Variants in TAFA2 observed in about 807,000 individuals in gnomAD.
The protein encoded by TAFA2 is TAFA chemokine like family member 2.
TAFA2 carries 7 observed loss-of-function variants against 18.8 expected under a neutral mutation model. The observed-to-expected ratio is 0.37, with a 90% confidence interval of 0.21 to 0.70. TAFA2 has a LOEUF of 0.70. Among genes scored for constraint, TAFA2 ranks in the 30% least tolerant of loss-of-function variants. The pLI is 0.53. For missense variants in TAFA2, 122 were observed against 158.1 expected (o/e 0.77, Z 1.23); for synonymous variants, 60 against 54.2 (o/e 1.11, Z -0.47).
chr12:61,881,311 G>A lies in TAFA2; in HGVS notation c.-1-13885C>T, dbSNP rs189088292. 8.2e-4 allele frequency among the ~76,000 whole-genome samples: 125 copies of A among 152,240 alleles called. 1 individual carries two copies. Among genetic ancestry groups the A allele is most frequent in the Non-Finnish European group, 1.5e-3 (101 of 68,014 alleles). ...TTTTAATGTGTGAACCTCATAGAGT[G>A]TACTGACACAAACCCATATGGTACA... On this transcript the variant is annotated intron_variant, in intron 1 of 4. Transcript: ENST00000416284.
rs142698425 is a variant in TAFA2, at chr12:61,819,299, A to G, written c.106+48021T>C. On this transcript the variant is annotated intron_variant, in intron 2 of 4. Coordinates refer to ENST00000416284, the MANE Select transcript of TAFA2 (RefSeq NM_178539.5). ...ATAAAAATCGTGACTACCCAGAAACAGCATTACTTCAAAGAATGTATTTTT... is the reference window on the plus strand; with the variant it reads ...ATAAAAATCGTGACTACCCAGAAACGGCATTACTTCAAAGAATGTATTTTT... 6.6e-4 allele frequency among the ~76,000 whole-genome samples: 100 copies of G among 152,344 alleles called. 2 individuals are homozygous for G. The highest frequency in any genetic ancestry group is 2.3e-3 in the African/African-American group (95 of 41,584).
At chr12:61,889,134 T>C (rs1448350513) in intron 1 of TAFA2, among the ~76,000 whole-genome samples, 3 of 152,190 alleles carry the variant, frequency 2.0e-5, no homozygotes, top group Non-Finnish European at 2.9e-5. Context: ...GTAACATGAT[T>C]ATTGATTTAG....
intron 1 of TAFA2, among the ~76,000 whole-genome samples, chr12:61,998,627 C>T (rs920282271): frequency 6.6e-6 from 1 of 152,162 alleles, no homozygotes. Flanking sequence ...AATGTCTTGA[C>T]CAAGGTCTCA....
intron 2 of TAFA2, among the ~76,000 whole-genome samples, chr12:61,756,637 A>T (rs1342641999): frequency 6.6e-6 from 1 of 152,072 alleles, no homozygotes; most frequent in African/African-American, 2.4e-5. Flanking sequence ...AACAAATAAT[A>T]AGCACCCACG....
At chr12:61,914,751 C>G (rs1393923282) in intron 1 of TAFA2, among the ~76,000 whole-genome samples, 5 of 152,102 alleles carry the variant, frequency 3.3e-5, no homozygotes, top group Non-Finnish European at 5.9e-5. Flanking sequence ...GGCAAGACAT[C>G]TGGAGTTGAC....
At chr12:61,728,312 G>C (rs1278786843) in intron 4 of TAFA2, among the ~76,000 whole-genome samples, 1 of 152,012 alleles carries the variant, frequency 6.6e-6, no homozygotes, top group Non-Finnish European at 1.5e-5. Flanking sequence ...GTCTAGTGCT[G>C]TCAGTGGAGT....
intron 1 of TAFA2, among the ~76,000 whole-genome samples, chr12:62,074,399 T>G (rs948416674): frequency 7.2e-5 from 11 of 152,222 alleles, no homozygotes; most frequent in Non-Finnish European, 1.6e-4. Context: ...AATTCTAATC[T>G]CTACTGCAAT....
chr12:61,952,077 T>C (rs1421293998), intron 1 of TAFA2, among the ~76,000 whole-genome samples: 2 of 152,122 alleles, frequency 1.3e-5, no homozygotes, highest in Non-Finnish European at 2.9e-5. Context: ...TCTATACTGC[T>C]ACATTTCCCC....
At chr12:61,871,590 C>G (rs1471436808) in intron 1 of TAFA2, among the ~76,000 whole-genome samples, 1 of 152,158 alleles carries the variant, frequency 6.6e-6, no homozygotes, top group Non-Finnish European at 1.5e-5. Context: ...CAGCAGCTTG[C>G]AAGGAGCACA....
intron 1 of TAFA2, among the ~76,000 whole-genome samples, chr12:61,869,888 C>G (rs2121226651): frequency 6.6e-6 from 1 of 152,250 alleles, no homozygotes; most frequent in Admixed American, 6.5e-5. Context: ...TATCATATAA[C>G]AGAATGAACA....
chr12:62,233,548 C>T (rs182689339), intron 1 of TAFA2, among the ~76,000 whole-genome samples: 68 of 152,296 alleles, frequency 4.5e-4, no homozygotes, highest in Middle Eastern at 3.4e-3. Context: ...CCAGACCTCT[C>T]GTCTTACATA....
chr12:61,879,507 C>A (rs1392708561), intron 1 of TAFA2: 2 of 700,832 alleles, frequency 2.9e-6, no homozygotes, highest in Non-Finnish European at 5.2e-6. Flanking sequence ...TTGGAGGGAT[C>A]ACTGCTGTCA....
At chr12:61,893,928 T>C (rs1447325684) in intron 1 of TAFA2, among the ~76,000 whole-genome samples, 1 of 152,210 alleles carries the variant, frequency 6.6e-6, no homozygotes, top group African/African-American at 2.4e-5. Flanking sequence ...TTATGAATAG[T>C]ATTTATCTTA....
chr12:62,246,099 G>A (rs932707640), intron 1 of TAFA2, among the ~76,000 whole-genome samples: 1 of 150,774 alleles, frequency 6.6e-6, no homozygotes, highest in African/African-American at 2.4e-5. Context: ...CCATTCTCCC[G>A]CCTCAGGCTC....
intron 2 of TAFA2, among the ~76,000 whole-genome samples, chr12:61,766,692 A>G (rs1285719074): frequency 6.6e-6 from 1 of 152,168 alleles, no homozygotes; most frequent in Non-Finnish European, 1.5e-5. Context: ...GCCAAAATAG[A>G]AAATTAAAAT....
chr12:61,952,687 C>T (rs922760781), intron 1 of TAFA2, among the ~76,000 whole-genome samples: 1 of 151,920 alleles, frequency 6.6e-6, no homozygotes, highest in Non-Finnish European at 1.5e-5. Flanking sequence ...CCGTAGTTTT[C>T]CAATTGGTTA....
chr12:62,170,560 T>C (rs2062470622), intron 1 of TAFA2, among the ~76,000 whole-genome samples: 1 of 152,240 alleles, frequency 6.6e-6, no homozygotes, highest in Non-Finnish European at 1.5e-5. Flanking sequence ...TACTTCTCTA[T>C]AGGATTCACT....
intron 1 of TAFA2, chr12:62,135,849 T>C (rs1258879965): frequency 1.3e-5 from 2 of 152,088 alleles, no homozygotes; most frequent in Admixed American, 6.6e-5. Flanking sequence ...GATTTTCTTA[T>C]TCTGTGATGT....
At chr12:61,757,876 G>C (rs186110156) in intron 2 of TAFA2, among the ~76,000 whole-genome samples, 1 of 152,168 alleles carries the variant, frequency 6.6e-6, no homozygotes, top group Non-Finnish European at 1.5e-5. Flanking sequence ...CAAGAGTATA[G>C]ACTCCAAAGT....
Sources: allele counts gnomAD v4.1 joint callset (sites outside exome capture counted in the v4.1 genomes callset), GRCh38; gene constraint gnomAD v4.1.1; transcripts MANE v1.5; gene names NCBI Gene and HGNC (gene_info 2026-07-23, HGNC 2026-07-21).